The following DISP1 variants were observed in gnomAD, a reference collection of about 807,000 sequenced individuals.
DISP1 encodes protein dispatched homolog 1.
A neutral mutation model predicts 37.3 loss-of-function variants in DISP1; 30 were observed. The observed-to-expected ratio is 0.80, with a 90% CI of 0.60 to 1.09. The LOEUF is 1.09. Among genes scored for constraint, DISP1 ranks in the 50% least tolerant of loss-of-function variants. DISP1 has a pLI of 0.00. For missense variants in DISP1, 1,598 were observed against 1,879.5 expected (o/e 0.85, Z 2.77); for synonymous variants, 634 against 690.2 (o/e 0.92, Z 1.28).
intron 1 of DISP1, among the ~76,000 whole-genome samples, chr1:222,829,106 A>C (rs1365347092): frequency 1.3e-5 from 2 of 152,218 alleles, no homozygotes; most frequent in Non-Finnish European, 2.9e-5. Flanking sequence ...GCACTTTTGA[A>C]AACTCCCCTT....
intron 1 of DISP1, among the ~76,000 whole-genome samples, chr1:222,832,568 A>T (rs973626009): frequency 1.1e-4 from 16 of 152,098 alleles, no homozygotes; most frequent in Non-Finnish European, 1.5e-4. Context: ...CTTCTTTTGG[A>T]TATTGTTGAA....
At chr1:222,819,034 G>C (rs1662021160) in intron 1 of DISP1, among the ~76,000 whole-genome samples, 1 of 152,182 alleles carries the variant, frequency 6.6e-6, no homozygotes, top group Non-Finnish European at 1.5e-5. Context: ...GAGTCTGGTG[G>C]TAGGTGATTG....
At chr1:222,833,224 T>C (rs1185005094) in intron 1 of DISP1, among the ~76,000 whole-genome samples, 4 of 151,238 alleles carry the variant, frequency 2.6e-5, no homozygotes, top group Non-Finnish European at 5.9e-5. Flanking sequence ...TCTTTGAGAA[T>C]AGACTTTTAA....
intron 2 of DISP1, among the ~76,000 whole-genome samples, chr1:222,934,033 C>A (rs180804804): frequency 6.6e-6 from 1 of 151,960 alleles, no homozygotes; most frequent in South Asian, 2.1e-4. Flanking sequence ...ATGTCTCTGG[C>A]GCTCTTGAAT....
chr1:222,907,811 A>G (rs1404442133), intron 1 of DISP1, among the ~76,000 whole-genome samples: 4 of 152,108 alleles, frequency 2.6e-5, no homozygotes, highest in African/African-American at 7.2e-5. Context: ...TCAGCCAGGC[A>G]TGGTGGCACA....
rs1572742636 is a variant in DISP1 at position 223,001,642 on chromosome 1, C to G, written c.988-743C>G. Among the ~76,000 whole-genome samples, 5 of 152,160 alleles carry G rather than the reference C, an allele frequency of 3.3e-5. No individual in the cohort carries two copies. The East Asian group carries it at 9.6e-4, about 29-fold the overall frequency. ...GAGAAGTTCAAGATCAAGGAATTAG[C>G]AGATTCAGTCTGGTGAGGACCTGTT... On this transcript the variant is annotated intron_variant, in intron 8 of 8. Coordinates refer to ENST00000675850, the MANE Select transcript of DISP1 (RefSeq NM_001377229.1).
intron 1 of DISP1, among the ~76,000 whole-genome samples, chr1:222,910,980 G>A (rs895667566): frequency 3.3e-5 from 5 of 152,084 alleles, no homozygotes; most frequent in African/African-American, 1.2e-4. Flanking sequence ...AAATGAGATG[G>A]TATCCTTTTT....
chr1:222,944,740 T>C (rs950717039), intron 3 of DISP1, among the ~76,000 whole-genome samples: 1 of 152,244 alleles, frequency 6.6e-6, no homozygotes, highest in African/African-American at 2.4e-5. Context: ...TCATACAGTA[T>C]GCACTCTTTC....
chr1:222,987,930 G>A (rs1678393893), intron 4 of DISP1, among the ~76,000 whole-genome samples: 1 of 152,152 alleles, frequency 6.6e-6, no homozygotes, highest in African/African-American at 2.4e-5. Context: ...GTGCTATTGA[G>A]ACAGAGGACT....
intron 1 of DISP1, among the ~76,000 whole-genome samples, chr1:222,897,462 A>T (rs141970698): frequency 3.3e-3 from 500 of 152,332 alleles, no homozygotes; most frequent in African/African-American, 0.012. Context: ...TGTACATTTT[A>T]TTGTATATAA....
intron 3 of DISP1, among the ~76,000 whole-genome samples, chr1:222,969,631 G>A (rs1261803162): frequency 6.6e-6 from 1 of 151,616 alleles, no homozygotes; most frequent in African/African-American, 2.4e-5. Context: ...TAAAAATCAT[G>A]TTTTCAGAAG....
At chr1:222,937,384 C>T (rs1674028577) in intron 2 of DISP1, among the ~76,000 whole-genome samples, 1 of 152,066 alleles carries the variant, frequency 6.6e-6, no homozygotes, top group African/African-American at 2.4e-5. Context: ...GCCACTGCGC[C>T]CTGCCCCTCT....
intron 1 of DISP1, among the ~76,000 whole-genome samples, chr1:222,865,000 C>G (rs1178968554): frequency 6.7e-6 from 1 of 149,710 alleles, no homozygotes; most frequent in Non-Finnish European, 1.5e-5. Context: ...ATTAATGATG[C>G]TAACTCTTGA....
At chr1:222,993,562 A>C (rs1288950294) in intron 7 of DISP1, among the ~76,000 whole-genome samples, 1 of 152,136 alleles carries the variant, frequency 6.6e-6, no homozygotes, top group Non-Finnish European at 1.5e-5. Flanking sequence ...CTGTATAGTA[A>C]TAGATAGTAG....
chr1:222,991,668 A>G (rs778389995), intron 6 of DISP1, 21 bp downstream of exon 6: 3 of 1,605,818 alleles, frequency 1.9e-6, no homozygotes, highest in East Asian at 2.2e-5. Flanking sequence ...ATTTATTTTT[A>G]TATAACTTTT....
chr1:222,836,248 T>C (rs927155346), intron 1 of DISP1, among the ~76,000 whole-genome samples: 19 of 152,202 alleles, frequency 1.2e-4, no homozygotes, highest in Non-Finnish European at 4.4e-5. Context: ...GAGAAACTAC[T>C]GTGACTGTGA....
At chr1:222,962,029 A>AAGG (rs1676103772) in intron 3 of DISP1, among the ~76,000 whole-genome samples, 1 of 151,684 alleles carries the variant, frequency 6.6e-6, no homozygotes, top group African/African-American at 2.4e-5. Flanking sequence ...AAAGAAGAAG[A>AAGG]AAGCCCCATC....
chr1:222,855,484 A>G (rs1428406132), intron 1 of DISP1, among the ~76,000 whole-genome samples: 3 of 152,250 alleles, frequency 2.0e-5, no homozygotes, highest in Non-Finnish European at 4.4e-5. Flanking sequence ...AGTGTATTTT[A>G]GCCAATAATG....
chr1:222,935,749 A>G (rs1034421500), intron 2 of DISP1, among the ~76,000 whole-genome samples: 1 of 152,204 alleles, frequency 6.6e-6, no homozygotes, highest in Non-Finnish European at 1.5e-5. Context: ...ATTCTCTTCA[A>G]CAGTACATTT....
Sources: gnomAD v4.1 joint callset for allele counts (sites outside exome capture counted in the v4.1 genomes callset) on GRCh38, gnomAD v4.1.1 for gene constraint, MANE v1.5 for transcripts, NCBI Gene and HGNC (gene_info 2026-07-23, HGNC 2026-07-21) for gene names.